The following GALNTL6 variants were observed in gnomAD, a reference collection of about 807,000 sequenced individuals.
The protein encoded by GALNTL6 is polypeptide N-acetylgalactosaminyltransferase like 6, also known as polypeptide N-acetylgalactosaminyltransferase-like 6.
GALNTL6 carries 46 observed loss-of-function variants against 73.7 expected under a neutral mutation model. The observed-to-expected ratio is 0.62, with a 90% confidence interval of 0.49 to 0.80. The LOEUF (loss-of-function observed/expected upper bound fraction) is 0.80, where lower values mean the gene tolerates loss of function less well. Ranked by LOEUF, GALNTL6 falls within the 30% of genes least tolerant of loss-of-function variation. GALNTL6 has a pLI of 0.00. For missense variants in GALNTL6, 604 were observed against 755.0 expected, an observed-to-expected ratio of 0.80 and a Z score of 2.34; for synonymous variants, 259 against 263.7, an observed-to-expected ratio of 0.98 and a Z score of 0.17.
intron 3 of GALNTL6, among the ~76,000 whole-genome samples, chr4:172,290,794 G>A (rs1403361135): frequency 2.0e-5 from 3 of 151,582 alleles, no homozygotes; most frequent in African/African-American, 7.3e-5. Flanking sequence ...GAAAGTGGAT[G>A]CTACATAAAA....
At chr4:173,022,110 A>AGAAGGAAG (rs1169715483) in intron 12 of GALNTL6, among the ~76,000 whole-genome samples, 1 of 86,264 alleles carries the variant, frequency 1.2e-5, no homozygotes, top group African/African-American at 4.5e-5. Context: ...AAGGAAGGAA[A>AGAAGGAAG]GAAGGAAGGA....
intron 2 of GALNTL6, among the ~76,000 whole-genome samples, chr4:172,203,186 T>C (rs1736008830): frequency 6.6e-6 from 1 of 152,162 alleles, no homozygotes; most frequent in Admixed American, 6.5e-5. Context: ...GACATAAAAA[T>C]GTGACCATAT....
intron 3 of GALNTL6, among the ~76,000 whole-genome samples, chr4:172,248,953 C>T (rs968481468): frequency 2.0e-5 from 3 of 152,230 alleles, no homozygotes; most frequent in East Asian, 3.9e-4. Flanking sequence ...TTCATAGCAA[C>T]ATGAGAACAA....
chr4:172,831,472 C>T (rs1742637801), intron 7 of GALNTL6, among the ~76,000 whole-genome samples: 1 of 152,120 alleles, frequency 6.6e-6, no homozygotes, highest in African/African-American at 2.4e-5. Context: ...CAAGAAAAGC[C>T]TCAGCGAGGT....
intron 3 of GALNTL6, among the ~76,000 whole-genome samples, chr4:172,304,411 T>C (rs568250379): frequency 2.0e-5 from 2 of 101,998 alleles, no homozygotes; most frequent in South Asian, 8.6e-4. Context: ...TGTAGAATAG[T>C]AAGTAGTATA....
At chr4:172,806,479 C>A (rs1019709472) in intron 5 of GALNTL6, among the ~76,000 whole-genome samples, 2 of 152,118 alleles carry the variant, frequency 1.3e-5, no homozygotes, top group African/African-American at 2.4e-5. Context: ...AGTCTAAATC[C>A]AAAGTTGGGA....
intron 5 of GALNTL6, among the ~76,000 whole-genome samples, chr4:172,576,268 C>T (rs12504965): frequency 0.48 from 72,522 of 151,832 alleles, 18,966 homozygotes; most frequent in East Asian, 0.67. Context: ...GGAGACTGTG[C>T]TGGGTATTCA....
intron 2 of GALNTL6, among the ~76,000 whole-genome samples, chr4:172,061,544 A>G (rs73867605): frequency 0.074 from 11,194 of 152,250 alleles, 1,399 homozygotes; most frequent in African/African-American, 0.25. Context: ...AATCTTGATA[A>G]TCTTGAAAAT....
chr4:172,664,392 A>G (rs1731549351), intron 5 of GALNTL6, among the ~76,000 whole-genome samples: 1 of 152,212 alleles, frequency 6.6e-6, no homozygotes, highest in East Asian at 1.9e-4. Context: ...AGTTCTCTGA[A>G]GACCTTACTT....
intron 5 of GALNTL6, among the ~76,000 whole-genome samples, chr4:172,610,419 A>G (rs1168221063): frequency 6.6e-6 from 1 of 152,058 alleles, no homozygotes; most frequent in African/African-American, 2.4e-5. Context: ...ATTAGTTTCA[A>G]ATAATTTCTG....
intron 12 of GALNTL6, among the ~76,000 whole-genome samples, chr4:173,022,509 A>T (rs1753058783): frequency 6.6e-6 from 1 of 152,222 alleles, no homozygotes; most frequent in African/African-American, 2.4e-5. Context: ...TTCACAACAC[A>T]CATACACACA....
At chr4:172,096,361 T>C (rs1016940617) in intron 2 of GALNTL6, among the ~76,000 whole-genome samples, 2 of 152,138 alleles carry the variant, frequency 1.3e-5, no homozygotes, top group Non-Finnish European at 2.9e-5. Flanking sequence ...TTCCAAAGTG[T>C]TGGGATTATA....
At chr4:172,195,449 C>G (rs1735731838) in intron 2 of GALNTL6, among the ~76,000 whole-genome samples, 1 of 152,160 alleles carries the variant, frequency 6.6e-6, no homozygotes, top group South Asian at 2.1e-4. Flanking sequence ...TAGATATCTA[C>G]AGAACTCTCC....
chr4:172,644,240 T>C (rs1166670926), intron 5 of GALNTL6, among the ~76,000 whole-genome samples: 4 of 151,812 alleles, frequency 2.6e-5, no homozygotes, highest in Non-Finnish European at 1.5e-5. Flanking sequence ...TAGGTGTGTA[T>C]GTGTGTATAT....
chr4:172,466,915 A>T (rs939237046), intron 5 of GALNTL6, among the ~76,000 whole-genome samples: 3 of 151,350 alleles, frequency 2.0e-5, no homozygotes, highest in Admixed American at 6.6e-5. Context: ...TTGCATTTAC[A>T]TTTCACTTTG....
At chr4:171,821,011 G>C (rs1194244505) in intron 2 of GALNTL6, among the ~76,000 whole-genome samples, 1 of 151,744 alleles carries the variant, frequency 6.6e-6, no homozygotes, top group Non-Finnish European at 1.5e-5. Context: ...GTTTTAGTGA[G>C]GTGGCCTTTC....
intron 7 of GALNTL6, among the ~76,000 whole-genome samples, chr4:172,832,332 C>T (rs1038933119): frequency 2.0e-5 from 3 of 152,132 alleles, no homozygotes; most frequent in South Asian, 2.1e-4. Flanking sequence ...CACACAGAGA[C>T]AGAAAGTACG....
chr4:172,649,068 A>T (rs904896410), intron 5 of GALNTL6, among the ~76,000 whole-genome samples: 2 of 152,162 alleles, frequency 1.3e-5, no homozygotes, highest in Non-Finnish European at 2.9e-5. Context: ...ATCCAAACTA[A>T]GTTTATTTTT....
chr4:172,882,405 C>CTGAT (rs1416844995), intron 7 of GALNTL6, among the ~76,000 whole-genome samples: 1 of 152,096 alleles, frequency 6.6e-6, no homozygotes, highest in Non-Finnish European at 1.5e-5. Context: ...TTTTATATGT[C>CTGAT]TGATAGTATA....
Sources: gnomAD v4.1 joint callset for allele counts (sites outside exome capture counted in the v4.1 genomes callset) on GRCh38, gnomAD v4.1.1 for gene constraint, MANE v1.5 for transcripts, NCBI Gene and HGNC (gene_info 2026-07-23, HGNC 2026-07-21) for gene names.